GLG1: variants seen among roughly 807,000 people sequenced by gnomAD.
GLG1 encodes the protein Golgi apparatus protein 1.
A neutral mutation model predicts 160.5 loss-of-function variants in GLG1; 38 were observed. The observed-to-expected ratio is 0.24, with a 90% CI of 0.18 to 0.31. The LOEUF is 0.31. Ranked by LOEUF, GLG1 falls within the 10% of genes least tolerant of loss-of-function variation. The pLI is 1.00. For missense variants in GLG1, 1,373 were observed against 1,505.2 expected (o/e 0.91, Z 1.45); for synonymous variants, 644 against 543.4 (o/e 1.19, Z -2.57).
intron 2 of GLG1, among the ~76,000 whole-genome samples, chr16:74,522,021 A>G (rs1013059199): frequency 1.3e-5 from 2 of 152,242 alleles, no homozygotes; most frequent in African/African-American, 2.4e-5. Context: ...TTGGGCATTT[A>G]TAATTCATTA....
intron 1 of GLG1, among the ~76,000 whole-genome samples, chr16:74,552,933 T>C (rs770123744): frequency 1.3e-5 from 2 of 152,056 alleles, no homozygotes; most frequent in Non-Finnish European, 2.9e-5. Flanking sequence ...AAAAACTTGT[T>C]TTTGGCCAGG....
intron 1 of GLG1, among the ~76,000 whole-genome samples, chr16:74,573,856 C>T (rs2018909919): frequency 6.6e-6 from 1 of 151,594 alleles, no homozygotes; most frequent in African/African-American, 2.4e-5. Context: ...TGCAGTGACG[C>T]AATCTCGGCT....
chr16:74,480,727 A>T (rs1172940327), intron 10 of GLG1, among the ~76,000 whole-genome samples: 1 of 151,662 alleles, frequency 6.6e-6, no homozygotes, highest in Non-Finnish European at 1.5e-5. Context: ...CTTTTTTGAT[A>T]TTTTTGGTAG....
Position 74,480,535 on chromosome 16 carries a change from G to A in GLG1, c.1674-141C>T. 3 of 548,546 alleles carry A rather than the reference G, an allele frequency of 5.5e-6. No individual in the cohort carries two copies. In the South Asian group the frequency reaches 9.0e-5, roughly 16 times the overall value. The allele number at this position is 548,546 out of a possible 1,614,324, so 34.0% of individuals were successfully genotyped here. A position where few individuals can be genotyped will look rare whatever the true frequency, so the allele number is the denominator to read the frequency against. On this transcript the variant is annotated intron_variant, in intron 10 of 25. Transcript: ENST00000422840. ...GCGTGGAGACAGAAGATATGTAAAA[G>A]TATATTCCTGAATTTTGTTCTTTTG...
intron 1 of GLG1, among the ~76,000 whole-genome samples, chr16:74,563,751 GA>G (rs542423677): frequency 1.0e-3 from 145 of 144,902 alleles, no homozygotes; most frequent in Non-Finnish European, 1.8e-3. Context: ...GAAAGAAAAA[GA>G]AAAAAAAAAG....
At chr16:74,521,474 G>A (rs1320647852) in intron 2 of GLG1, among the ~76,000 whole-genome samples, 2 of 152,078 alleles carry the variant, frequency 1.3e-5, no homozygotes, top group Non-Finnish European at 2.9e-5. Context: ...TATATTTCAA[G>A]GAGCAGCCAG....
chr16:74,458,597 G>C (rs12925346), intron 23 of GLG1, among the ~76,000 whole-genome samples: 23,933 of 152,096 alleles, frequency 0.16, 2,137 homozygotes, highest in Middle Eastern at 0.23. Flanking sequence ...AGGACTGCTT[G>C]AGCCCAGTTT....
Position 74,452,410 on chromosome 16 carries a change from C to G in GLG1, c.*757G>C, listed in dbSNP as rs779030587. ...TGTTCAACTTCACAAACTTCCGGTCCCTTCCCCTCCCCAGCTGCCCTTGTC... is the reference window on the plus strand; with the variant it reads ...TGTTCAACTTCACAAACTTCCGGTCGCTTCCCCTCCCCAGCTGCCCTTGTC... On this transcript the variant is annotated 3_prime_UTR_variant, in exon 26 of 26. Coordinates refer to ENST00000422840, the MANE Select transcript of GLG1 (RefSeq NM_001145667.2). 5.9e-4 allele frequency: 706 copies of G among 1,190,310 alleles called. 1 individual carries two copies. The highest frequency in any genetic ancestry group is 6.7e-4 in the Non-Finnish European group (639 of 951,698). The allele number at this position is 1,190,310 out of a possible 1,614,324, so 73.7% of individuals were successfully genotyped here. A position where few individuals can be genotyped will look rare whatever the true frequency, so the allele number is the denominator to read the frequency against.
At chr16:74,526,845 AG>A (rs1445775774) in intron 2 of GLG1, among the ~76,000 whole-genome samples, 1 of 152,246 alleles carries the variant, frequency 6.6e-6, no homozygotes, top group Non-Finnish European at 1.5e-5. Flanking sequence ...TCACTCCTTT[AG>A]CACTCCTAAC....
At chr16:74,568,258 T>C (rs943171082) in intron 1 of GLG1, among the ~76,000 whole-genome samples, 4 of 152,160 alleles carry the variant, frequency 2.6e-5, no homozygotes, top group Admixed American at 6.5e-5. Flanking sequence ...TCTTTACAGT[T>C]ATATGAGGCA....
Position 74,459,701 on chromosome 16 carries a change from T to C in GLG1, c.3125A>G (p.Lys1042Arg), listed in dbSNP as rs367640450. The change falls in exon 23 of 26, where the codon AAA (lysine) becomes AGA (arginine). Residue 1042 changes from lysine (K) to arginine (R), a missense_variant. Transcript: ENST00000422840. ...GGTTACCTTTTTACACAATTCTGTT[T>C]TGATCTTGAGCAGGTTGACCTTGAG... ...ECLKVNLLKI[K>R]TELCKKEVLN... is the part of the protein sequence containing the mutation. The C allele has an allele frequency of 1.9e-6, 3 of 1,579,180 alleles. No individual in the cohort carries two copies. The highest frequency in any genetic ancestry group is 1.1e-5 in the South Asian group (1 of 89,610).
chr16:74,561,851 T>G (rs1002449310), intron 1 of GLG1, among the ~76,000 whole-genome samples: 1 of 152,340 alleles, frequency 6.6e-6, no homozygotes, highest in Middle Eastern at 3.4e-3. Context: ...TGACTCATCA[T>G]GGAAGACAGA....
intron 13 of GLG1, chr16:74,474,316 G>T (rs951522240): frequency 1.9e-4 from 84 of 453,224 alleles, no homozygotes; most frequent in Non-Finnish European, 2.7e-4. Flanking sequence ...CCTAATTTAT[G>T]AAGAAAACCA....
At chr16:74,459,810 A>C in intron 22 of GLG1, 21 bp from the exon 23 acceptor site, 1 of 1,259,222 alleles carries the variant, frequency 7.9e-7, no homozygotes, top group South Asian at 1.3e-5. Context: ...GACACAAAAA[A>C]CAAAGCTACC....
chr16:74,453,998 A>G (rs895914134), intron 25 of GLG1, among the ~76,000 whole-genome samples: 2 of 151,250 alleles, frequency 1.3e-5, no homozygotes, highest in African/African-American at 4.9e-5. Flanking sequence ...CACCCACATG[A>G]GTAGCTGGGA....
intron 1 of GLG1, among the ~76,000 whole-genome samples, chr16:74,542,696 G>A (rs1191873052): frequency 1.8e-5 from 1 of 55,012 alleles, no homozygotes; most frequent in Non-Finnish European, 3.3e-5. Context: ...AAGGGAAGGA[G>A]GGAGGGAGGA....
intron 1 of GLG1, among the ~76,000 whole-genome samples, chr16:74,533,633 T>G (rs2143617542): frequency 6.6e-6 from 1 of 152,004 alleles, no homozygotes; most frequent in Non-Finnish European, 1.5e-5. Flanking sequence ...ATACAAAAAT[T>G]AGCCAGGCGT....
intron 1 of GLG1, among the ~76,000 whole-genome samples, chr16:74,532,394 G>A (rs1332035737): frequency 1.3e-5 from 2 of 152,144 alleles, no homozygotes; most frequent in Admixed American, 1.3e-4. Flanking sequence ...GGTGCAATGT[G>A]AAGATGGGGA....
Position 74,452,137 on chromosome 16 carries a change from A to G in GLG1, c.*1030T>C. ...TCTCTGACCTGTATTGTAGCCTGAAAAATAAAGCAAAGTGAGTCAAACCTC... is the reference window on the plus strand; with the variant it reads ...TCTCTGACCTGTATTGTAGCCTGAAGAATAAAGCAAAGTGAGTCAAACCTC... On this transcript the variant is annotated 3_prime_UTR_variant, in exon 26 of 26. Coordinates refer to ENST00000422840, the MANE Select transcript of GLG1 (RefSeq NM_001145667.2). 1 of 1,613,914 alleles carries G rather than the reference A, an allele frequency of 6.2e-7. No homozygotes were observed. The highest frequency in any genetic ancestry group is 8.5e-7 in the Non-Finnish European group (1 of 1,179,862).
Sources: gnomAD v4.1 joint callset for allele counts (sites outside exome capture counted in the v4.1 genomes callset) on GRCh38, gnomAD v4.1.1 for gene constraint, MANE v1.5 for transcripts, NCBI Gene and HGNC (gene_info 2026-07-23, HGNC 2026-07-21) for gene names.